Variants in MAPK8IP3 observed in about 807,000 individuals in gnomAD.
The protein encoded by MAPK8IP3 is mitogen-activated protein kinase 8 interacting protein 3.
A neutral mutation model predicts 157.8 loss-of-function variants in MAPK8IP3; 49 were observed. The ratio of observed to expected loss-of-function variants is 0.31; its 90% CI spans 0.25 to 0.39. MAPK8IP3 has a LOEUF of 0.39. Among genes scored for constraint, MAPK8IP3 ranks in the 10% least tolerant of loss-of-function variants. The pLI is 1.00. For synonymous variants in MAPK8IP3, 897 were observed against 777.7 expected, an observed-to-expected ratio of 1.15 and a Z score of -2.55; for missense variants, 1,478 against 1,889.4, an observed-to-expected ratio of 0.78 and a Z score of 4.04.
chr16:1,727,744 G>A (rs547767815), intron 2 of MAPK8IP3, among the ~76,000 whole-genome samples: 3 of 152,330 alleles, frequency 2.0e-5, no homozygotes, highest in Admixed American at 6.5e-5. Context: ...TGAGATCCCC[G>A]CGCCAGCAGT....
intron 13 of MAPK8IP3, 56 bp from the exon 14 acceptor site, chr16:1,762,295 C>G (rs1248484682): frequency 6.6e-7 from 1 of 1,512,322 alleles, no homozygotes; most frequent in African/African-American, 1.4e-5. Flanking sequence ...CAGGAGGAAG[C>G]AGGTGTCACC....
At chr16:1,711,610 C>T (rs987369899) in intron 1 of MAPK8IP3, among the ~76,000 whole-genome samples, 8 of 152,106 alleles carry the variant, frequency 5.3e-5, no homozygotes, top group Non-Finnish European at 8.8e-5. Context: ...CATGGGGTGC[C>T]GGCTCTCCGG....
rs1002213238 is a variant in MAPK8IP3, at chr16:1,742,597, G to C, written c.603-735G>C. ...GAACAGGAGTAATGAGGATGGGCAG[G>C]AGGGGCCAAGGAACAAGGCACAGGG... is the stretch of plus-strand genomic sequence containing the variant. On this transcript the variant is annotated intron_variant, in intron 4 of 31. Transcript: ENST00000610761. The surrounding 1 kb of genome is among the most constrained non-coding windows in gnomAD (Gnocchi z 5.0). Among the ~76,000 whole-genome samples, 2 of 152,230 alleles carry C rather than the reference G, an allele frequency of 1.3e-5. No homozygotes were observed. The highest frequency in any genetic ancestry group is 2.9e-5 in the Non-Finnish European group (2 of 68,034).
chr16:1,706,742 C>A lies in MAPK8IP3; in HGVS notation c.318+85C>A. ...CCCGGACCCAACACCCGTCCCGACC[C>A]CAGACCCCGCTCCGGCACCCCGGAC... On this transcript the variant is annotated intron_variant, in intron 1 of 31. Coordinates refer to ENST00000610761, the MANE Select transcript of MAPK8IP3 (RefSeq NM_001318852.2). The surrounding 1 kb of genome is among the most constrained non-coding windows in gnomAD (Gnocchi z 5.1). The A allele has an allele frequency of 7.3e-7, 1 of 1,373,214 alleles. No homozygotes were observed. Among genetic ancestry groups the A allele is most frequent in the Non-Finnish European group, 9.6e-7 (1 of 1,043,742 alleles). The allele number at this position is 1,373,214 out of a possible 1,614,324, so 85.1% of individuals were successfully genotyped here.
chr16:1,709,992 G>A (rs2142264179), intron 1 of MAPK8IP3, among the ~76,000 whole-genome samples: 1 of 152,184 alleles, frequency 6.6e-6, no homozygotes, highest in East Asian at 1.9e-4. Context: ...TGATCATTCG[G>A]CATTTGATGC....
At chr16:1,744,912 A>T in intron 5 of MAPK8IP3, 1 of 970,412 alleles carries the variant, frequency 1.0e-6, no homozygotes, top group Non-Finnish European at 1.2e-6. Flanking sequence ...AAGTTTTTCT[A>T]ATTTCTTAAT....
rs1323488070 is a variant in MAPK8IP3, at chr16:1,768,470, A to T, written c.3743-7A>T. The T allele has an allele frequency of 1.3e-6, 2 of 1,573,238 alleles. No individual in the cohort carries two copies. Among genetic ancestry groups the T allele is most frequent in the East Asian group, 2.3e-5 (1 of 42,884 alleles). The stretch of plus-strand genomic sequence containing the variant: ...GCCGCTGTCCTGAATCGCTTCTGCC[A>T]TCCCAGGGAACGTGCTGGCCACCCT... On this transcript the variant is annotated splice_polypyrimidine_tract_variant and splice_region_variant and intron_variant, in intron 30 of 31. Coordinates refer to ENST00000610761, the MANE Select transcript of MAPK8IP3 (RefSeq NM_001318852.2).
At chr16:1,752,560 T>C in intron 8 of MAPK8IP3, 1 of 330,128 alleles carries the variant, frequency 3.0e-6, no homozygotes, top group Non-Finnish European at 6.1e-6. Context: ...CTGGTCAACA[T>C]AGCGAGACCC....
At chr16:1,758,265 C>T in intron 9 of MAPK8IP3, 106 bp downstream of exon 9, 2 of 1,334,304 alleles carry the variant, frequency 1.5e-6, no homozygotes, top group Non-Finnish European at 2.1e-6. Flanking sequence ...TGGACTGCCC[C>T]CCACGTCGCC....
chr16:1,739,205 A>G (rs1413652798), intron 4 of MAPK8IP3, among the ~76,000 whole-genome samples: 1 of 113,830 alleles, frequency 8.8e-6, no homozygotes, highest in Non-Finnish European at 1.7e-5. Context: ...CGTCCGTGTG[A>G]GCGTCCGTGT....
intron 1 of MAPK8IP3, among the ~76,000 whole-genome samples, chr16:1,707,031 C>A (rs913947119): frequency 2.6e-5 from 4 of 151,694 alleles, no homozygotes; most frequent in African/African-American, 4.8e-5. Context: ...AGCTCAGCTT[C>A]AAAGCCAGGC....
At chr16:1,738,110 C>CCGTCCGTATGAG (rs2040187036) in intron 4 of MAPK8IP3, among the ~76,000 whole-genome samples, 1 of 59,930 alleles carries the variant, frequency 1.7e-5, no homozygotes, top group South Asian at 9.1e-4. Context: ...ATCCATGTGA[C>CCGTCCGTATGAG]CGTCCGTGTG....
intron 20 of MAPK8IP3, among the ~76,000 whole-genome samples, 190 bp downstream of exon 20, chr16:1,765,368 C>T (rs1462266138): frequency 4.6e-5 from 7 of 152,200 alleles, no homozygotes; most frequent in East Asian, 3.8e-4. Flanking sequence ...AGGAAGCTCG[C>T]GGCAGCCTCG....
chr16:1,740,417 C>T (rs367705238), intron 4 of MAPK8IP3, among the ~76,000 whole-genome samples: 11 of 150,692 alleles, frequency 7.3e-5, no homozygotes, highest in African/African-American at 2.0e-4. Flanking sequence ...CGTGTGCACA[C>T]GCTGCTGCCC....
In MAPK8IP3 at chr16:1,706,682, G is replaced by A. The variant is rs925781365; in HGVS notation, c.318+25G>A. ...GGTGCGTGGGCCGCGGGACCCGCCC[G>A]CATCCCCGTCCCGGACCCCCAGCCA... On this transcript the variant is annotated intron_variant, in intron 1 of 31. Coordinates refer to ENST00000610761, the MANE Select transcript of MAPK8IP3 (RefSeq NM_001318852.2). The surrounding 1 kb of genome is among the most constrained non-coding windows in gnomAD (Gnocchi z 5.1). 4.6e-6 allele frequency: 7 copies of A among 1,513,456 alleles called. No individual in the cohort carries two copies. Among genetic ancestry groups the A allele is most frequent in the Middle Eastern group, 4.4e-4 (2 of 4,496 alleles). The allele number at this position is 1,513,456 out of a possible 1,614,324, so 93.8% of individuals were successfully genotyped here.
chr16:1,736,170 CCGTGTGAG>C, intron 4 of MAPK8IP3, among the ~76,000 whole-genome samples: 1 of 99,570 alleles, frequency 1.0e-5, no homozygotes. Context: ...GTGTGAGCGT[CCGTGTGAG>C]CGTGTGACCG....
At chr16:1,722,961 A>G (rs998305067) in intron 1 of MAPK8IP3, among the ~76,000 whole-genome samples, 1 of 152,032 alleles carries the variant, frequency 6.6e-6, no homozygotes, top group African/African-American at 2.4e-5. Context: ...TCAGCCTCCC[A>G]AAGTGCTGAG....
In MAPK8IP3 at chr16:1,769,094, T is replaced by G. The variant is rs2042462701; in HGVS notation, c.*270T>G. On this transcript the variant is annotated 3_prime_UTR_variant, in exon 32 of 32. Transcript: ENST00000610761. The stretch of plus-strand genomic sequence containing the variant: ...CTGGCCAGCTTCCAGCCCAGAGTCC[T>G]CAAGTCCAGGGCACCTTGGGCCCAG... 1 of 505,820 alleles carries G rather than the reference T, an allele frequency of 2.0e-6. No individual in the cohort carries two copies. The highest frequency in any genetic ancestry group is 3.6e-5 in the East Asian group (1 of 27,682). 31.3% of individuals were successfully genotyped at this position (505,820 alleles called of 1,614,324 possible).
Position 1,766,894 on chromosome 16 carries a change from CCT to C in MAPK8IP3, c.3021-9_3021-8del, listed in dbSNP as rs764619404. ...TGGCCCAAACCAGGCTCACCGCATT[CCT>C]GTTTCAGGCATGTCAAAGGCCGTGT... On this transcript the variant is annotated splice_polypyrimidine_tract_variant and splice_region_variant and intron_variant, in intron 24 of 31. Coordinates refer to ENST00000610761, the MANE Select transcript of MAPK8IP3 (RefSeq NM_001318852.2). The C allele has an allele frequency of 1.2e-6, 2 of 1,605,842 alleles. No individual in the cohort carries two copies. Among genetic ancestry groups the C allele is most frequent in the Non-Finnish European group, 1.7e-6 (2 of 1,175,378 alleles).
Sources: allele counts gnomAD v4.1 joint callset (sites outside exome capture counted in the v4.1 genomes callset), GRCh38; gene constraint gnomAD v4.1.1; non-coding constraint Gnocchi (gnomAD v3.1); transcripts MANE v1.5; gene names NCBI Gene and HGNC (gene_info 2026-07-23, HGNC 2026-07-21).